Variants in CIART observed in about 807,000 individuals in gnomAD.
CIART encodes circadian associated repressor of transcription, also known as circadian-associated transcriptional repressor.
Under a neutral mutation model 22.1 loss-of-function variants are expected in CIART, and 7 were observed. The observed-to-expected ratio is 0.32, with a 90% CI of 0.18 to 0.59. The LOEUF is 0.59. Among genes scored for constraint, CIART ranks in the 20% least tolerant of loss-of-function variants. The pLI, the probability that CIART is intolerant of heterozygous loss-of-function variation, is 0.86. For synonymous variants in CIART, 163 were observed against 174.6 expected, an observed-to-expected ratio of 0.93 and a Z score of 0.53; for missense variants, 440 against 478.0, an observed-to-expected ratio of 0.92 and a Z score of 0.74.
chr1:150,286,513 T>C lies in CIART; in HGVS notation c.717T>C (p.His239=). The C allele has an allele frequency of 3.8e-6, 6 of 1,586,116 alleles. No homozygotes were observed. The highest frequency in any genetic ancestry group is 5.2e-6 in the Non-Finnish European group (6 of 1,154,724). Residue 239 remains histidine (H), a synonymous_variant, in exon 5 of 5, where the codon CAT becomes CAC. Transcript: ENST00000290363. ...MEKMDQTQLG[H]LALKPKQPWH... is the part of the protein sequence containing the mutation. ...AGATGGACCAGACACAGCTAGGACATCTAGCTTTAAAACCAAAGCAGCCTT... is the reference window on the plus strand; with the variant it reads ...AGATGGACCAGACACAGCTAGGACACCTAGCTTTAAAACCAAAGCAGCCTT...
rs911668398 is a variant in CIART, at chr1:150,282,597, G to A, written c.-671G>A. On this transcript the variant is annotated 5_prime_UTR_variant, in exon 1 of 5. Coordinates refer to ENST00000290363, the MANE Select transcript of CIART (RefSeq NM_144697.4). ...GGCGAAGGAGCTGGAAACCGAGCCA[G>A]GGCTGAGCCGGCTGACAACAGGTAA... The A allele has an allele frequency of 4.6e-5, 7 of 152,460 alleles. No homozygotes were observed. The highest frequency in any genetic ancestry group is 7.3e-5 in the Non-Finnish European group (5 of 68,216). 9.4% of individuals were successfully genotyped at this position (152,460 alleles called of 1,614,324 possible). A position where few individuals can be genotyped will look rare whatever the true frequency, so the allele number is the denominator to read the frequency against.
Position 150,283,869 on chromosome 1 carries a change from G to A in CIART, c.431G>A (p.Arg144His). ...TDLLNGLKMG[R>H]FERGLSSFQQ... ...CTACTCAATGGGCTGAAGATGGGTC[G>A]TTTTGAGAGAGGTAATCTTATTGTT... The change falls in exon 2 of 5, where the codon CGT becomes CAT. Residue 144 changes from arginine to histidine, a missense_variant. Arg to His is a conservative substitution (Grantham distance 29). Transcript: ENST00000290363. 6.3e-7 allele frequency: 1 copy of A among 1,580,892 alleles called. No homozygotes were observed. The highest frequency in any genetic ancestry group is 1.7e-5 in the Admixed American group (1 of 59,614).
At position 150,286,605 on chromosome 1, in the gene CIART, C is replaced by A. The variant is rs1653501284; in HGVS notation, c.809C>A (p.Pro270His). The change falls in exon 5 of 5, where the codon CCT becomes CAT. Residue 270 changes from proline (P) to histidine (H), a missense_variant. Coordinates refer to ENST00000290363, the MANE Select transcript of CIART (RefSeq NM_144697.4). ...CACACCACTCCAATTTGCAACCCCC[C>A]TCTCAGCTCCCCAGGTACTATCTCC... is the stretch of plus-strand genomic sequence containing the variant. ...WIHTTPICNP[P>H]LSSPGTISFS... 1 of 1,609,678 alleles carries A rather than the reference C, an allele frequency of 6.2e-7. No individual in the cohort carries two copies. Among genetic ancestry groups the A allele is most frequent in the Non-Finnish European group, 8.5e-7 (1 of 1,175,898 alleles).
chr1:150,286,564 G>A lies in CIART; in HGVS notation c.768G>A (p.Met256Ile). 2 of 1,606,562 alleles carry A rather than the reference G, an allele frequency of 1.2e-6. No homozygotes were observed. Among genetic ancestry groups the A allele is most frequent in the Non-Finnish European group, 1.7e-6 (2 of 1,173,208 alleles). ...QPWHLTQWPA[M>I]NLTWIHTTPI... ...GGCACCTCACACAATGGCCAGCTATGAACCTCACCTGGATCCACACCACTC... is the reference window on the plus strand; with the variant it reads ...GGCACCTCACACAATGGCCAGCTATAAACCTCACCTGGATCCACACCACTC... Residue 256 changes from methionine to isoleucine, a missense_variant, in exon 5 of 5, where the codon ATG becomes ATA. Physicochemically the swap from Met to Ile is conservative, Grantham distance 10 (BLOSUM62 1). Transcript: ENST00000290363.
intron 2 of CIART, among the ~76,000 whole-genome samples, chr1:150,284,148 G>T (rs1487308590): frequency 2.0e-5 from 3 of 151,814 alleles, no homozygotes; most frequent in Non-Finnish European, 4.4e-5. Flanking sequence ...CTCCCCAGTC[G>T]CTGGGATTAC....
rs1553853972 is a variant in CIART at position 150,283,534 on chromosome 1, G to A, written c.267G>A (p.Met89Ile). ...AACAGCGGGGTTCGGCTTCTCCTAT[G>A]GCAGGATCTGGGGCGAAAAGATCAA... ...HPKQRGSASPMAGSGAKRSRD... is the reference protein window; with the variant it reads ...HPKQRGSASPIAGSGAKRSRD... The change falls in exon 1 of 5, where the codon ATG becomes ATA. Residue 89 changes from methionine to isoleucine, a missense_variant. By Grantham distance (10) the Met-to-Ile change is conservative. Coordinates refer to ENST00000290363, the MANE Select transcript of CIART (RefSeq NM_144697.4). The A allele has an allele frequency of 1.9e-6, 3 of 1,614,220 alleles. No individual in the cohort carries two copies. The highest frequency in any genetic ancestry group is 2.5e-6 in the Non-Finnish European group (3 of 1,180,040).
rs1553854283 is a variant in CIART at position 150,284,721 on chromosome 1, G to A, written c.633+13G>A. 1 of 1,575,192 alleles carries A rather than the reference G, an allele frequency of 6.3e-7. No homozygotes were observed. The highest frequency in any genetic ancestry group is 8.7e-7 in the Non-Finnish European group (1 of 1,145,476). On this transcript the variant is annotated intron_variant, in intron 4 of 4. Transcript: ENST00000290363. ...TCAGCTGACCAAGGTAAGAACTTAAGAACACGAGGAAGAGGTGGGAAAATA... is the reference window on the plus strand; with the variant it reads ...TCAGCTGACCAAGGTAAGAACTTAAAAACACGAGGAAGAGGTGGGAAAATA...
Position 150,283,647 on chromosome 1 carries a change from G to C in CIART, c.366+14G>C. On this transcript the variant is annotated intron_variant, in intron 1 of 4. Coordinates refer to ENST00000290363, the MANE Select transcript of CIART (RefSeq NM_144697.4). ...TTTGCCCAGAAGGTAAGAGAAAGCAGGTGAAAGGAGATTCTCCTGGAGTGC... is the reference window on the plus strand; with the variant it reads ...TTTGCCCAGAAGGTAAGAGAAAGCACGTGAAAGGAGATTCTCCTGGAGTGC... 1 of 1,612,098 alleles carries C rather than the reference G, an allele frequency of 6.2e-7. No individual in the cohort carries two copies. The highest frequency in any genetic ancestry group is 8.5e-7 in the Non-Finnish European group (1 of 1,178,596).
chr1:150,286,614 C>A lies in CIART; in HGVS notation c.818C>A (p.Ser273Tyr). The A allele has an allele frequency of 6.8e-6, 11 of 1,610,472 alleles. No homozygotes were observed. Among genetic ancestry groups the A allele is most frequent in the Non-Finnish European group, 9.3e-6 (11 of 1,176,682 alleles). The change falls in exon 5 of 5, where the codon TCC becomes TAC. Residue 273 changes from serine to tyrosine, a missense_variant. Coordinates refer to ENST00000290363, the MANE Select transcript of CIART (RefSeq NM_144697.4). ...CCAATTTGCAACCCCCCTCTCAGCT[C>A]CCCAGGTACTATCTCCTTTAGCCAT... is the stretch of plus-strand genomic sequence containing the variant. ...TTPICNPPLS[S>Y]PGTISFSHGP... is the part of the protein sequence containing the mutation.
intron 4 of CIART, among the ~76,000 whole-genome samples, chr1:150,285,787 G>A (rs1438311468): frequency 2.0e-5 from 3 of 151,990 alleles, no homozygotes; most frequent in African/African-American, 7.3e-5. Context: ...ACCAGCCTGG[G>A]CAACATGGTG....
chr1:150,284,395 A>G (rs1653361353), intron 2 of CIART, 31 bp from the exon 3 acceptor site: 6 of 1,540,238 alleles, frequency 3.9e-6, no homozygotes, highest in African/African-American at 1.4e-5. Context: ...TTGAATCTCA[A>G]TCCTTAATCT....
At position 150,285,834 on chromosome 1, in the gene CIART, G is replaced by A. The variant is rs1553854515; in HGVS notation, c.634-596G>A. On this transcript the variant is annotated intron_variant, in intron 4 of 4. Coordinates refer to ENST00000290363, the MANE Select transcript of CIART (RefSeq NM_144697.4). ...CTACAAAAAATACAAAAAGTAGGTG[G>A]GCATGGTGGCGTGCACCTGTAGTCC... Among the ~76,000 whole-genome samples, 6 of 152,142 alleles carry A rather than the reference G, an allele frequency of 3.9e-5. No homozygotes were observed. The South Asian group carries it at 1.0e-3, about 26-fold the overall frequency.
rs1653506476 is a variant in CIART at position 150,286,659 on chromosome 1, C to A, written c.863C>A (p.Thr288Asn). Reference sequence around the variant, plus strand: ...AGCCATGGTCCTTTAGGCACTGGAACCGGCATTGGCGTCATTCTTTTCCTC... The same window carrying A: ...AGCCATGGTCCTTTAGGCACTGGAAACGGCATTGGCGTCATTCTTTTCCTC... ...SFSHGPLGTG[T>N]GIGVILFLQH... Residue 288 changes from threonine (T) to asparagine (N), a missense_variant, in exon 5 of 5, where the codon ACC (threonine) becomes AAC (asparagine). Coordinates refer to ENST00000290363, the MANE Select transcript of CIART (RefSeq NM_144697.4). 6.2e-7 allele frequency: 1 copy of A among 1,614,132 alleles called. No homozygotes were observed. The highest frequency in any genetic ancestry group is 8.5e-7 in the Non-Finnish European group (1 of 1,179,970).
At position 150,283,250 on chromosome 1, in the gene CIART, GC is replaced by G. The variant is rs782539678; in HGVS notation, c.-14del. 1 of 1,510,842 alleles carries G rather than the reference GC, an allele frequency of 6.6e-7. No individual in the cohort carries two copies. Among genetic ancestry groups the G allele is most frequent in the East Asian group, 2.3e-5 (1 of 43,858 alleles). The allele number at this position is 1,510,842 out of a possible 1,614,324, so 93.6% of individuals were successfully genotyped here. On this transcript the variant is annotated 5_prime_UTR_variant, in exon 1 of 5. Coordinates refer to ENST00000290363, the MANE Select transcript of CIART (RefSeq NM_144697.4). Reference sequence around the variant, plus strand: ...TGGGTACTCCAGGAGCTGTTCTATAGCCCCTGCTTCTGGACCTATGGATTCT... The same window carrying G: ...TGGGTACTCCAGGAGCTGTTCTATAGCCCTGCTTCTGGACCTATGGATTCT...
chr1:150,286,732 C>T lies in CIART; in HGVS notation c.936C>T (p.Val312=), dbSNP rs782091111. ...PFTHSAPTTP[V]PPTTASPVIP... Reference sequence around the variant, plus strand: ...CCCACTCTGCCCCAACCACCCCAGTCCCACCTACTACAGCATCTCCTGTCA... The same window carrying T: ...CCCACTCTGCCCCAACCACCCCAGTTCCACCTACTACAGCATCTCCTGTCA... The change falls in exon 5 of 5, where the codon GTC becomes GTT. Residue 312 remains valine, a synonymous_variant. Transcript: ENST00000290363. The T allele has an allele frequency of 2.2e-5, 35 of 1,612,980 alleles. No individual in the cohort carries two copies. Among genetic ancestry groups the T allele is most frequent in the Non-Finnish European group, 2.9e-5 (34 of 1,179,042 alleles).
At chr1:150,285,122 T>C in intron 4 of CIART, 2 of 205,178 alleles carry the variant, frequency 9.7e-6, no homozygotes, top group South Asian at 7.6e-5. Context: ...GCCAAACCCT[T>C]TGACAGTTTT....
rs782285950 is a variant in CIART, at chr1:150,283,920, C to T, written c.442+40C>T. 7 of 1,440,692 alleles carry T rather than the reference C, an allele frequency of 4.9e-6. No homozygotes were observed. The Admixed American group carries it at 6.9e-5, about 14-fold the overall frequency. The allele number at this position is 1,440,692 out of a possible 1,614,324, so 89.2% of individuals were successfully genotyped here. On this transcript the variant is annotated intron_variant, in intron 2 of 4. Coordinates refer to ENST00000290363, the MANE Select transcript of CIART (RefSeq NM_144697.4). ...GCATTCATTTGGGCTAGGTTCATTT[C>T]TCTTTCTCTTTCCCTCTTTTGACGT...
Position 150,284,613 on chromosome 1 carries a change from A to G in CIART, c.538A>G (p.Thr180Ala). The stretch of plus-strand genomic sequence containing the variant: ...TTTTCACAGGGAACGTTACCTAGGA[A>G]CCTTGCTACAGGTAGAAGGGATGTT... ...KPQMGERYLGTLLQVEGMLKT... is the reference protein window; with the variant it reads ...KPQMGERYLGALLQVEGMLKT... The change falls in exon 4 of 5, where the codon ACC becomes GCC. Residue 180 changes from threonine (T) to alanine (A), a missense_variant. Thr to Ala is a moderately conservative substitution (Grantham distance 58). Transcript: ENST00000290363. 1.9e-6 allele frequency: 3 copies of G among 1,613,166 alleles called. No individual in the cohort carries two copies. Among genetic ancestry groups the G allele is most frequent in the East Asian group, 2.2e-5 (1 of 44,876 alleles).
chr1:150,286,444 C>T lies in CIART; in HGVS notation c.648C>T (p.His216=). Residue 216 remains histidine, a synonymous_variant, in exon 5 of 5, where the codon CAC becomes CAT. Transcript: ENST00000290363. ...CCCCTCTCTAGCATTTTCCAAGCCA[C>T]CACAGTGATTCAGCTGCTTCCTCTC... ...KHQLTKHFPS[H]HSDSAASSPA... The T allele has an allele frequency of 6.3e-7, 1 of 1,583,156 alleles. No individual in the cohort carries two copies. Among genetic ancestry groups the T allele is most frequent in the Non-Finnish European group, 8.7e-7 (1 of 1,152,404 alleles).
Sources: gnomAD v4.1 joint callset for allele counts (sites outside exome capture counted in the v4.1 genomes callset) on GRCh38, gnomAD v4.1.1 for gene constraint, MANE v1.5 for transcripts, NCBI Gene and HGNC (gene_info 2026-07-23, HGNC 2026-07-21) for gene names.